The following PPP3CA variants were observed in gnomAD, a reference collection of about 807,000 sequenced individuals.
PPP3CA encodes the protein protein phosphatase 3 catalytic subunit alpha.
In PPP3CA, 14 loss-of-function variants were observed where a neutral mutation model predicts 66.5. The observed-to-expected ratio is 0.21, with a 90% CI of 0.14 to 0.33. The LOEUF is 0.33. PPP3CA is among the 10% of genes least tolerant of loss of function. PPP3CA has a pLI of 1.00. For missense variants in PPP3CA, 317 were observed against 639.5 expected, an observed-to-expected ratio of 0.50 and a Z score of 5.44; for synonymous variants, 232 against 226.2, an observed-to-expected ratio of 1.03 and a Z score of -0.23.
chr4:101,291,958 A>G (rs1728041323), intron 1 of PPP3CA, among the ~76,000 whole-genome samples: 1 of 152,068 alleles, frequency 6.6e-6, no homozygotes, highest in South Asian at 2.1e-4. Flanking sequence ...ACGAAACCCT[A>G]TCTTTACAAA....
At chr4:101,229,658 A>C (rs554770810) in intron 1 of PPP3CA, among the ~76,000 whole-genome samples, 1 of 151,618 alleles carries the variant, frequency 6.6e-6, no homozygotes, top group Non-Finnish European at 1.5e-5. Flanking sequence ...ATTAGTATAA[A>C]TTGAGCTCTT....
chr4:101,256,220 G>A (rs1726838756), intron 1 of PPP3CA, among the ~76,000 whole-genome samples: 1 of 151,490 alleles, frequency 6.6e-6, no homozygotes, highest in African/African-American at 2.4e-5. Flanking sequence ...TTTGCTCTCT[G>A]AATAGAGTCA....
At chr4:101,221,100 A>G (rs1725610474) in intron 1 of PPP3CA, among the ~76,000 whole-genome samples, 1 of 151,686 alleles carries the variant, frequency 6.6e-6, no homozygotes, top group Non-Finnish European at 1.5e-5. Context: ...AATTCCTCCT[A>G]TGAAATGACT....
At chr4:101,184,993 T>G (rs761092496) in intron 2 of PPP3CA, among the ~76,000 whole-genome samples, 1 of 152,148 alleles carries the variant, frequency 6.6e-6, no homozygotes, top group Non-Finnish European at 1.5e-5. Flanking sequence ...GCAAGCTATA[T>G]GCCTTAGTTA....
chr4:101,150,244 T>C (rs1327376953), intron 2 of PPP3CA, among the ~76,000 whole-genome samples: 1 of 152,190 alleles, frequency 6.6e-6, no homozygotes, highest in Non-Finnish European at 1.5e-5. Flanking sequence ...AGTAGTTTAT[T>C]CTTCCTAGGT....
intron 10 of PPP3CA, among the ~76,000 whole-genome samples, chr4:101,057,515 T>C (rs1728276631): frequency 6.6e-6 from 1 of 152,146 alleles, no homozygotes; most frequent in African/African-American, 2.4e-5. Flanking sequence ...CGGACTCCGA[T>C]CTCTAAAGTC....
chr4:101,270,258 G>C (rs4461528), intron 1 of PPP3CA, among the ~76,000 whole-genome samples: 2 of 151,838 alleles, frequency 1.3e-5, no homozygotes, highest in Non-Finnish European at 2.9e-5. Context: ...ATTCATATGT[G>C]TGCATACCAC....
intron 2 of PPP3CA, among the ~76,000 whole-genome samples, chr4:101,185,006 C>G (rs1035073640): frequency 2.3e-4 from 35 of 151,910 alleles, no homozygotes; most frequent in Admixed American, 2.3e-3. Context: ...CTTAGTTAAG[C>G]CAAAAGGGAG....
intron 11 of PPP3CA, among the ~76,000 whole-genome samples, chr4:101,033,155 C>A (rs1352814649): frequency 6.6e-6 from 1 of 152,032 alleles, no homozygotes; most frequent in Non-Finnish European, 1.5e-5. Flanking sequence ...ACCACTCACT[C>A]TTTCCACATA....
At chr4:101,101,504 G>A (rs1283481563) in intron 3 of PPP3CA, among the ~76,000 whole-genome samples, 1 of 152,068 alleles carries the variant, frequency 6.6e-6, no homozygotes, top group African/African-American at 2.4e-5. Flanking sequence ...GTCTAGTTTG[G>A]AATATGAATG....
chr4:101,312,142 T>G (rs1728741730), intron 1 of PPP3CA, among the ~76,000 whole-genome samples: 1 of 152,164 alleles, frequency 6.6e-6, no homozygotes, highest in African/African-American at 2.4e-5. Context: ...ATAAAGAGAT[T>G]ACATATACTT....
chr4:101,174,092 C>G (rs1723974814), intron 2 of PPP3CA, among the ~76,000 whole-genome samples: 2 of 151,586 alleles, frequency 1.3e-5, no homozygotes, highest in African/African-American at 2.4e-5. Flanking sequence ...AACTACGCCC[C>G]CCCCACCCCG....
intron 5 of PPP3CA, among the ~76,000 whole-genome samples, chr4:101,094,149 A>C (rs866208901): frequency 1.3e-5 from 2 of 151,970 alleles, no homozygotes; most frequent in Middle Eastern, 3.2e-3. Context: ...TTTAGTATCT[A>C]TCTTCATCTA....
intron 1 of PPP3CA, among the ~76,000 whole-genome samples, chr4:101,208,231 TCACA>T (rs3840151): frequency 2.6e-5 from 4 of 151,274 alleles, no homozygotes; most frequent in Non-Finnish European, 4.4e-5. Context: ...TGAAAAGTAA[TCACA>T]CACACACACA....
intron 2 of PPP3CA, among the ~76,000 whole-genome samples, chr4:101,130,131 A>G (rs1328137002): frequency 1.3e-5 from 2 of 152,018 alleles, no homozygotes; most frequent in Non-Finnish European, 2.9e-5. Flanking sequence ...CAAATTGACC[A>G]AGCGGAAGAA....
At position 101,288,195 on chromosome 4, in the gene PPP3CA, T is replaced by C. The variant is rs146370277; in HGVS notation, c.58+58544A>G. Reference sequence around the variant, plus strand: ...AAGGCACAATAGTATTAACCTCCCCTACCAAATTAATCAGTTAAGTCAATA... The same window carrying C: ...AAGGCACAATAGTATTAACCTCCCCCACCAAATTAATCAGTTAAGTCAATA... On this transcript the variant is annotated intron_variant, in intron 1 of 13. Coordinates refer to ENST00000394854, the MANE Select transcript of PPP3CA (RefSeq NM_000944.5). Among the ~76,000 whole-genome samples, 710 of 152,282 alleles carry C rather than the reference T, an allele frequency of 4.7e-3. 5 individuals are homozygous for C. Among genetic ancestry groups the C allele is most frequent in the African/African-American group, 0.016 (673 of 41,576 alleles).
intron 1 of PPP3CA, among the ~76,000 whole-genome samples, chr4:101,210,417 T>G (rs925767376): frequency 5.3e-5 from 8 of 152,194 alleles, no homozygotes; most frequent in Admixed American, 4.6e-4. Flanking sequence ...AGCACATTAT[T>G]TAATTGTTCT....
At chr4:101,033,056 CATT>C (rs941860682) in intron 11 of PPP3CA, among the ~76,000 whole-genome samples, 2 of 151,852 alleles carry the variant, frequency 1.3e-5, no homozygotes, top group Non-Finnish European at 2.9e-5. Context: ...TTAAGTACAT[CATT>C]ATTTTAATTA....
chr4:101,303,268 C>T (rs917266053), intron 1 of PPP3CA, among the ~76,000 whole-genome samples: 2 of 152,104 alleles, frequency 1.3e-5, no homozygotes, highest in Admixed American at 6.5e-5. Context: ...TTTAAAATGA[C>T]AAATGTAATA....
Sources: gnomAD v4.1 joint callset for allele counts (sites outside exome capture counted in the v4.1 genomes callset) on GRCh38, gnomAD v4.1.1 for gene constraint, MANE v1.5 for transcripts, NCBI Gene and HGNC (gene_info 2026-07-23, HGNC 2026-07-21) for gene names.